Variants in ZNF471 observed in about 807,000 individuals in gnomAD.
ZNF471 encodes the protein EZFIT-related protein 1.
ZNF471 carries 7 observed loss-of-function variants against 13.7 expected under a neutral mutation model. That is an observed-to-expected ratio of 0.51 (90% confidence interval 0.29 to 0.96). The LOEUF (loss-of-function observed/expected upper bound fraction) is 0.96. Among genes scored for constraint, ZNF471 ranks in the 40% least tolerant of loss-of-function variants. ZNF471 has a pLI of 0.08. For synonymous variants in ZNF471, 218 were observed against 235.6 expected (o/e 0.93, Z 0.68); for missense variants, 663 against 743.3 (o/e 0.89, Z 1.26).
chr19:56,520,689 C>T (rs2043957389), intron 4 of ZNF471, among the ~76,000 whole-genome samples: 1 of 152,184 alleles, frequency 6.6e-6, no homozygotes, highest in Admixed American at 6.5e-5. Flanking sequence ...TTCCTTGCCC[C>T]TTCCACTGTG....
chr19:56,508,097 G>C lies in ZNF471; in HGVS notation c.-56+177G>C, dbSNP rs2147896505. 3.0e-6 allele frequency: 3 copies of C among 985,056 alleles called. No homozygotes were observed. In the South Asian group the frequency reaches 1.4e-4, roughly 46 times the overall value. The allele number at this position is 985,056 out of a possible 1,614,324, so 61.0% of individuals were successfully genotyped here. On this transcript the variant is annotated intron_variant, in intron 1 of 4. Coordinates refer to ENST00000308031, the MANE Select transcript of ZNF471 (RefSeq NM_020813.4). This position sits in a 1 kb window ranked among gnomAD's most constrained non-coding sequence, Gnocchi z 4.7. ...CTCGAGTCTGCGGGGCGGAGGCCGCGGCTCGGGGCTGCTGGGCGTTCGGGG... is the reference window on the plus strand; with the variant it reads ...CTCGAGTCTGCGGGGCGGAGGCCGCCGCTCGGGGCTGCTGGGCGTTCGGGG...
chr19:56,525,669 G>A lies in ZNF471; in HGVS notation c.1602G>A (p.Gln534=). The A allele has an allele frequency of 1.2e-6, 2 of 1,614,116 alleles. No homozygotes were observed. Among genetic ancestry groups the A allele is most frequent in the Non-Finnish European group, 1.7e-6 (2 of 1,179,980 alleles). Reference sequence around the variant, plus strand: ...AGAGATCACACCTTGCCCAACATCAGAAAACTCATACAGGAGAGAAACCTT... The same window carrying A: ...AGAGATCACACCTTGCCCAACATCAAAAAACTCATACAGGAGAGAAACCTT... ...FKQRSHLAQH[Q]KTHTGEKPYE... The change falls in exon 5 of 5, where the codon CAG becomes CAA. Residue 534 remains glutamine (Q), a synonymous_variant. Transcript: ENST00000308031.
intron 4 of ZNF471, among the ~76,000 whole-genome samples, chr19:56,523,375 T>A (rs1013935470): frequency 5.3e-5 from 8 of 149,878 alleles, no homozygotes; most frequent in African/African-American, 2.0e-4. Flanking sequence ...TTTTTTTTTA[T>A]AAAAAGGTGG....
chr19:56,516,429 C>T lies in ZNF471; in HGVS notation c.160+28C>T, dbSNP rs369401720. The stretch of plus-strand genomic sequence containing the variant: ...GAGGATCTTTTCCCTCCTGCATAAT[C>T]TACCTTTAAGGAACTTTTTTGTCTA... On this transcript the variant is annotated intron_variant, in intron 3 of 4. Transcript: ENST00000308031. The surrounding 1 kb of genome is among the most constrained non-coding windows in gnomAD (Gnocchi z 4.4). 3.8e-6 allele frequency: 6 copies of T among 1,588,350 alleles called. No homozygotes were observed. The highest frequency in any genetic ancestry group is 4.3e-6 in the Non-Finnish European group (5 of 1,170,076).
chr19:56,524,769 T>A lies in ZNF471; in HGVS notation c.702T>A (p.Tyr234Ter), dbSNP rs991225355. The stretch of plus-strand genomic sequence containing the variant: ...GAATTCATACTGGTGAAAAACCATA[T>A]GCATGTGAGGAATGTGGAAAAGCCT... ...HFRIHTGEKP[Y>*]ACEECGKAFK... The change falls in exon 5 of 5, where the codon TAT becomes TAA. Residue 234 changes from tyrosine (Y) to a stop codon, truncating the protein, a stop_gained. Coordinates refer to ENST00000308031, the MANE Select transcript of ZNF471 (RefSeq NM_020813.4). LOFTEE classifies it low-confidence loss of function (END_TRUNC). This position sits in a 1 kb window ranked among gnomAD's most constrained non-coding sequence, Gnocchi z 4.8. 5 of 1,612,598 alleles carry A rather than the reference T, an allele frequency of 3.1e-6. No individual in the cohort carries two copies. The highest frequency in any genetic ancestry group is 1.6e-4 in the Middle Eastern group (1 of 6,070).
At position 56,527,925 on chromosome 19, in the gene ZNF471, A is replaced by G. The variant is rs2044067545; in HGVS notation, c.*1977A>G. On this transcript the variant is annotated 3_prime_UTR_variant, in exon 5 of 5. Coordinates refer to ENST00000308031, the MANE Select transcript of ZNF471 (RefSeq NM_020813.4). ...TGGTTCCCCAGTCCAAAACACAGTCATTTCACCTGGACTATTTCAATCATT... is the reference window on the plus strand; with the variant it reads ...TGGTTCCCCAGTCCAAAACACAGTCGTTTCACCTGGACTATTTCAATCATT... The G allele has an allele frequency of 6.6e-6, 1 of 152,120 alleles. No homozygotes were observed. Among genetic ancestry groups the G allele is most frequent in the African/African-American group, 2.4e-5 (1 of 41,404 alleles). The allele number at this position is 152,120 out of a possible 1,614,324, so 9.4% of individuals were successfully genotyped here.
chr19:56,525,787 A>G lies in ZNF471; in HGVS notation c.1720A>G (p.Thr574Ala). 6.2e-6 allele frequency: 10 copies of G among 1,614,178 alleles called. No individual in the cohort carries two copies. Among genetic ancestry groups the G allele is most frequent in the Non-Finnish European group, 8.5e-6 (10 of 1,180,030 alleles). Residue 574 changes from threonine (T) to alanine (A), a missense_variant, in exon 5 of 5, where the codon ACT (threonine) becomes GCT (alanine). Transcript: ENST00000308031. ...IHTGEKPYKC[T>A]ECGKAFSDSS... ...TACTGGAGAGAAACCCTATAAATGTACTGAATGTGGAAAGGCTTTTAGTGA... is the reference window on the plus strand; with the variant it reads ...TACTGGAGAGAAACCCTATAAATGTGCTGAATGTGGAAAGGCTTTTAGTGA...
rs370237309 is a variant in ZNF471 at position 56,508,806 on chromosome 19, CAT to C, written c.-56+888_-56+889del. On this transcript the variant is annotated intron_variant, in intron 1 of 4. Coordinates refer to ENST00000308031, the MANE Select transcript of ZNF471 (RefSeq NM_020813.4). The surrounding 1 kb of genome is among the most constrained non-coding windows in gnomAD (Gnocchi z 4.7). Reference sequence around the variant, plus strand: ...GGGTGTGTTCGTGTGTGAGAGACAACATAGCGTGAGACCAGTGAGTGTGAGAG... The same window carrying C: ...GGGTGTGTTCGTGTGTGAGAGACAACAGCGTGAGACCAGTGAGTGTGAGAG... Among the ~76,000 whole-genome samples, 3 of 150,072 alleles carry C rather than the reference CAT, an allele frequency of 2.0e-5. No individual in the cohort carries two copies. The highest frequency in any genetic ancestry group is 7.4e-5 in the African/African-American group (3 of 40,680).
In ZNF471 at chr19:56,528,921, T is replaced by A. The variant is rs2044078610; in HGVS notation, c.*2973T>A. The A allele has an allele frequency of 1.8e-5, 2 of 110,688 alleles. No homozygotes were observed. Among genetic ancestry groups the A allele is most frequent in the Admixed American group, 1.6e-4 (2 of 12,204 alleles). The allele number at this position is 110,688 out of a possible 1,614,324, so 6.9% of individuals were successfully genotyped here. ...AGTAAAGTTGTTCTGGAGTATATTT[T>A]TTTTAAAAAAAACACTTAAAATGTT... On this transcript the variant is annotated 3_prime_UTR_variant, in exon 5 of 5. Coordinates refer to ENST00000308031, the MANE Select transcript of ZNF471 (RefSeq NM_020813.4).
At position 56,524,012 on chromosome 19, in the gene ZNF471, T is replaced by G. The variant is rs1310596812; in HGVS notation, c.257-312T>G. 6.6e-6 allele frequency among the ~76,000 whole-genome samples: 1 copy of G among 152,058 alleles called. No homozygotes were observed. Among genetic ancestry groups the G allele is most frequent in the East Asian group, 1.9e-4 (1 of 5,180 alleles). On this transcript the variant is annotated intron_variant, in intron 4 of 4. Coordinates refer to ENST00000308031, the MANE Select transcript of ZNF471 (RefSeq NM_020813.4). The surrounding 1 kb of genome is among the most constrained non-coding windows in gnomAD (Gnocchi z 4.8). ...CTAATTTTTGTGTTTTTTGCAGAGA[T>G]GGTGTTTTGCCATGTTGCCCAGGCT...
Position 56,510,039 on chromosome 19 carries a change from T to C in ZNF471, c.-55-1478T>C. ...AGTGATTGGGAGAGACTGGGGTATG[T>C]TGGTGTGAGTGTGTGAGAGACCAAT... On this transcript the variant is annotated intron_variant, in intron 1 of 4. Coordinates refer to ENST00000308031, the MANE Select transcript of ZNF471 (RefSeq NM_020813.4). This position sits in a 1 kb window ranked among gnomAD's most constrained non-coding sequence, Gnocchi z 4.3. The C allele has an allele frequency of 2.0e-6, 2 of 985,570 alleles. No homozygotes were observed. The highest frequency in any genetic ancestry group is 2.4e-6 in the Non-Finnish European group (2 of 830,042). The allele number at this position is 985,570 out of a possible 1,614,324, so 61.1% of individuals were successfully genotyped here. A position where few individuals can be genotyped will look rare whatever the true frequency, so the allele number is the denominator to read the frequency against.
intron 4 of ZNF471, among the ~76,000 whole-genome samples, chr19:56,521,466 G>A (rs1367534189): frequency 2.6e-5 from 4 of 151,894 alleles, no homozygotes; most frequent in African/African-American, 7.3e-5. Flanking sequence ...GTGAAACCCC[G>A]TCTCTGTTAA....
Position 56,527,307 on chromosome 19 carries a change from AC to A in ZNF471, c.*1363del, listed in dbSNP as rs1472958244. On this transcript the variant is annotated 3_prime_UTR_variant, in exon 5 of 5. Transcript: ENST00000308031. ...ATCAACAAAGGACATCCACACAGAAACCCCATCTGAAGGTTACCAGCATCAA... is the reference window on the plus strand; with the variant it reads ...ATCAACAAAGGACATCCACACAGAAACCCATCTGAAGGTTACCAGCATCAA... 6.6e-6 allele frequency: 1 copy of A among 152,226 alleles called. No homozygotes were observed. Among genetic ancestry groups the A allele is most frequent in the African/African-American group, 2.4e-5 (1 of 41,454 alleles). The allele number at this position is 152,226 out of a possible 1,614,324, so 9.4% of individuals were successfully genotyped here.
chr19:56,508,276 G>T lies in ZNF471; in HGVS notation c.-56+356G>T. ...GTGACAGACCGAGAGTCCAGTGTGA[G>T]ACCAGGGTATGTTCGTGTGTGACAG... On this transcript the variant is annotated intron_variant, in intron 1 of 4. Coordinates refer to ENST00000308031, the MANE Select transcript of ZNF471 (RefSeq NM_020813.4). This position sits in a 1 kb window ranked among gnomAD's most constrained non-coding sequence, Gnocchi z 4.7. 2 of 776,696 alleles carry T rather than the reference G, an allele frequency of 2.6e-6. No individual in the cohort carries two copies. The highest frequency in any genetic ancestry group is 3.1e-6 in the Non-Finnish European group (2 of 642,778). The allele number at this position is 776,696 out of a possible 1,614,324, so 48.1% of individuals were successfully genotyped here. A position where few individuals can be genotyped will look rare whatever the true frequency, so the allele number is the denominator to read the frequency against.
rs1321108584 is a variant in ZNF471 at position 56,525,788 on chromosome 19, C to T, written c.1721C>T (p.Thr574Ile). Reference sequence around the variant, plus strand: ...ACTGGAGAGAAACCCTATAAATGTACTGAATGTGGAAAGGCTTTTAGTGAT... The same window carrying T: ...ACTGGAGAGAAACCCTATAAATGTATTGAATGTGGAAAGGCTTTTAGTGAT... Reference protein sequence around the residue: ...IHTGEKPYKCTECGKAFSDSS... With the variant: ...IHTGEKPYKCIECGKAFSDSS... Residue 574 changes from threonine to isoleucine, a missense_variant, in exon 5 of 5, where the codon ACT (threonine) becomes ATT (isoleucine). By Grantham distance (89) the Thr-to-Ile change is moderately conservative (BLOSUM62 -1). Coordinates refer to ENST00000308031, the MANE Select transcript of ZNF471 (RefSeq NM_020813.4). 1.9e-6 allele frequency: 3 copies of T among 1,613,972 alleles called. No homozygotes were observed. The highest frequency in any genetic ancestry group is 1.7e-5 in the Admixed American group (1 of 59,998).
Position 56,524,764 on chromosome 19 carries a change from C to T in ZNF471, c.697C>T (p.Pro233Ser). The change falls in exon 5 of 5, where the codon CCA becomes TCA. Residue 233 changes from proline (P) to serine (S), a missense_variant. By Grantham distance (74) the Pro-to-Ser change is moderately conservative. Coordinates refer to ENST00000308031, the MANE Select transcript of ZNF471 (RefSeq NM_020813.4). The surrounding 1 kb of genome is among the most constrained non-coding windows in gnomAD (Gnocchi z 4.8). ...TTTTAGAATTCATACTGGTGAAAAA[C>T]CATATGCATGTGAGGAATGTGGAAA... ...VHFRIHTGEK[P>S]YACEECGKAF... 6.2e-7 allele frequency: 1 copy of T among 1,612,124 alleles called. No individual in the cohort carries two copies. The highest frequency in any genetic ancestry group is 8.5e-7 in the Non-Finnish European group (1 of 1,179,368).
intron 4 of ZNF471, among the ~76,000 whole-genome samples, chr19:56,521,578 G>T (rs1424924995): frequency 6.9e-6 from 1 of 144,716 alleles, no homozygotes; most frequent in Non-Finnish European, 1.5e-5. Flanking sequence ...GGCAGAACTT[G>T]CAGTGAGCCG....
Position 56,525,606 on chromosome 19 carries a change from G to A in ZNF471, c.1539G>A (p.Lys513=), listed in dbSNP as rs541658230. 3.1e-6 allele frequency: 5 copies of A among 1,614,038 alleles called. No homozygotes were observed. The East Asian group carries it at 8.9e-5, about 29-fold the overall frequency. The change falls in exon 5 of 5, where the codon AAG becomes AAA. Residue 513 remains lysine (K), a synonymous_variant. Coordinates refer to ENST00000308031, the MANE Select transcript of ZNF471 (RefSeq NM_020813.4). ...ATCAGAGAATTCATACTGGAGAGAA[G>A]CCTTATGAATGTATTGAATGTGGAA... ...ATHQRIHTGE[K]PYECIECGNA...
At position 56,527,634 on chromosome 19, in the gene ZNF471, G is replaced by A. The variant is rs530274651; in HGVS notation, c.*1686G>A. On this transcript the variant is annotated 3_prime_UTR_variant, in exon 5 of 5. Transcript: ENST00000308031. The stretch of plus-strand genomic sequence containing the variant: ...AACCAGTTTAGAGAAGAACATAAAT[G>A]ACCTGATGGAGCTGAAAAACACAGC... 1 of 152,258 alleles carries A rather than the reference G, an allele frequency of 6.6e-6. No homozygotes were observed. Among genetic ancestry groups the A allele is most frequent in the South Asian group, 2.1e-4 (1 of 4,822 alleles). The allele number at this position is 152,258 out of a possible 1,614,324, so 9.4% of individuals were successfully genotyped here. A position where few individuals can be genotyped will look rare whatever the true frequency, so the allele number is the denominator to read the frequency against.
Sources: gnomAD v4.1 joint callset for allele counts (sites outside exome capture counted in the v4.1 genomes callset) on GRCh38, gnomAD v4.1.1 for gene constraint, Gnocchi (gnomAD v3.1) non-coding constraint, MANE v1.5 for transcripts, NCBI Gene and HGNC (gene_info 2026-07-23, HGNC 2026-07-21) for gene names.